CLYBL: variants seen among roughly 807,000 people sequenced by gnomAD.
CLYBL encodes citramalyl-CoA lyase.
In CLYBL, 31 loss-of-function variants were observed where a neutral mutation model predicts 38.9. The observed-to-expected ratio is 0.80, with a 90% CI of 0.60 to 1.08. The LOEUF (loss-of-function observed/expected upper bound fraction) is 1.08. Ranked by LOEUF, CLYBL falls within the 50% of genes least tolerant of loss-of-function variation. The pLI is 0.00. For synonymous variants in CLYBL, 171 were observed against 158.6 expected (o/e 1.08, Z -0.59); for missense variants, 434 against 411.6 (o/e 1.05, Z -0.47).
chr13:99,631,604 A>AT (rs1161251016), intron 1 of CLYBL, among the ~76,000 whole-genome samples: 2,166 of 146,500 alleles, frequency 0.015, 47 homozygotes, highest in African/African-American at 0.05. Context: ...TTCACACCAA[A>AT]TTTTTTTTTT....
Position 99,889,990 on chromosome 13 carries a change from A to G in CLYBL, c.928-1328A>G, listed in dbSNP as rs374200935. On this transcript the variant is annotated intron_variant, in intron 7 of 8. Coordinates refer to ENST00000339105, the MANE Select transcript of CLYBL (RefSeq NM_206808.5). Reference sequence around the variant, plus strand: ...ACCCAGTCACACCAGCATCCTTGCCAACAGGTCGAAGCAGGGTGGATTAGG... The same window carrying G: ...ACCCAGTCACACCAGCATCCTTGCCGACAGGTCGAAGCAGGGTGGATTAGG... Among the ~76,000 whole-genome samples the G allele has an allele frequency of 3.9e-5, 6 of 152,342 alleles. No homozygotes were observed. The South Asian group carries it at 8.3e-4, about 21-fold the overall frequency.
intron 1 of CLYBL, among the ~76,000 whole-genome samples, chr13:99,681,589 T>A (rs2047734704): frequency 6.6e-6 from 1 of 152,106 alleles, no homozygotes; most frequent in Admixed American, 6.6e-5. Context: ...CTTGCATTTT[T>A]ATTTTTATTT....
intron 7 of CLYBL, among the ~76,000 whole-genome samples, chr13:99,885,362 G>T (rs1310202887): frequency 1.4e-4 from 22 of 152,168 alleles, no homozygotes; most frequent in Non-Finnish European, 4.4e-5. Context: ...CGGCAGAGCT[G>T]CAGCGTGGTG....
intron 1 of CLYBL, among the ~76,000 whole-genome samples, chr13:99,722,270 T>A (rs934509134): frequency 1.7e-4 from 26 of 152,314 alleles, no homozygotes; most frequent in African/African-American, 6.0e-4. Context: ...GTTGACACTC[T>A]GACCCCTACT....
intron 1 of CLYBL, among the ~76,000 whole-genome samples, chr13:99,734,095 T>C (rs987521465): frequency 1.3e-5 from 2 of 152,138 alleles, no homozygotes; most frequent in Non-Finnish European, 2.9e-5. Flanking sequence ...CCCTTCTCTG[T>C]TAGTGGGATT....
intron 2 of CLYBL, among the ~76,000 whole-genome samples, chr13:99,857,335 G>A (rs188496360): frequency 2.0e-4 from 31 of 152,170 alleles, no homozygotes; most frequent in East Asian, 1.5e-3. Context: ...GAAGATTTTC[G>A]TATTTAATGG....
At chr13:99,660,738 T>G (rs1169891933) in intron 1 of CLYBL, among the ~76,000 whole-genome samples, 1 of 152,204 alleles carries the variant, frequency 6.6e-6, no homozygotes, top group African/African-American at 2.4e-5. Flanking sequence ...TCTATTGTAA[T>G]TTCTCATGGT....
intron 6 of CLYBL, 72 bp downstream of exon 6, chr13:99,866,479 A>C: frequency 7.4e-7 from 1 of 1,355,818 alleles, no homozygotes; most frequent in Non-Finnish European, 1.0e-6. Flanking sequence ...TTGACCCGAA[A>C]ACACCCCTAA....
At position 99,691,942 on chromosome 13, in the gene CLYBL, A is replaced by G. The variant is rs142473034; in HGVS notation, c.63-80882A>G. ...GGATCTTGAAAGCCATGTTGCACGG[A>G]GCTCCCGGTCCCTGAGTTTTCAGAC... On this transcript the variant is annotated intron_variant, in intron 1 of 8. Coordinates refer to ENST00000339105, the MANE Select transcript of CLYBL (RefSeq NM_206808.5). 2.6e-3 allele frequency among the ~76,000 whole-genome samples: 402 copies of G among 152,310 alleles called. 2 individuals are homozygous for G. The highest frequency in any genetic ancestry group is 9.3e-3 in the African/African-American group (388 of 41,578).
rs566663285 is a variant in CLYBL, at chr13:99,841,402, T to A, written c.250-17459T>A. 1.0e-3 allele frequency among the ~76,000 whole-genome samples: 152 copies of A among 152,248 alleles called. 2 individuals carry two copies. The highest frequency in any genetic ancestry group is 6.8e-3 in the Middle Eastern group (2 of 294). The stretch of plus-strand genomic sequence containing the variant: ...AGAAAAACACATACATACTTTTTTT[T>A]TTTATTTATTTATTTTTAAGACAGT... On this transcript the variant is annotated intron_variant, in intron 2 of 8. Coordinates refer to ENST00000339105, the MANE Select transcript of CLYBL (RefSeq NM_206808.5).
chr13:99,828,475 C>G (rs901979716), intron 2 of CLYBL, among the ~76,000 whole-genome samples: 2 of 152,260 alleles, frequency 1.3e-5, no homozygotes, highest in Admixed American at 6.5e-5. Context: ...TTTAAGCACT[C>G]TAAAATGGTA....
At chr13:99,837,628 T>C (rs1389741833) in intron 2 of CLYBL, among the ~76,000 whole-genome samples, 1 of 151,842 alleles carries the variant, frequency 6.6e-6, no homozygotes, top group Non-Finnish European at 1.5e-5. Flanking sequence ...GAAAATGCTC[T>C]GTGAGGATTC....
In CLYBL at chr13:99,709,516, C is replaced by CT. The variant is rs566926109; in HGVS notation, c.63-63301dup. On this transcript the variant is annotated intron_variant, in intron 1 of 8. Transcript: ENST00000339105. Reference sequence around the variant, plus strand: ...AGCTTGTATTCCTGTCCTTTTCTTTCTTTTTTTACAAAATAGCATACAAAA... The same window carrying CT: ...AGCTTGTATTCCTGTCCTTTTCTTTCTTTTTTTTACAAAATAGCATACAAAA... Among the ~76,000 whole-genome samples the CT allele has an allele frequency of 2.7e-3, 417 of 152,236 alleles. 2 individuals are homozygous for CT. The highest frequency in any genetic ancestry group is 8.5e-3 in the African/African-American group (351 of 41,532).
chr13:99,650,961 A>AG (rs1460856779), intron 1 of CLYBL, among the ~76,000 whole-genome samples: 2 of 152,148 alleles, frequency 1.3e-5, no homozygotes, highest in African/African-American at 4.8e-5. Flanking sequence ...TAAAATTCTC[A>AG]GGGTGGTGAG....
chr13:99,715,357 T>G (rs575341580), intron 1 of CLYBL, among the ~76,000 whole-genome samples: 28 of 152,276 alleles, frequency 1.8e-4, no homozygotes, highest in African/African-American at 5.8e-4. Context: ...CCTTTTGGAA[T>G]GGGACAGGTT....
chr13:99,680,319 A>G (rs1253378812), intron 1 of CLYBL, among the ~76,000 whole-genome samples: 1 of 152,192 alleles, frequency 6.6e-6, no homozygotes, highest in Non-Finnish European at 1.5e-5. Flanking sequence ...AACGTACTCC[A>G]ATTTTCCTAG....
chr13:99,850,948 A>G (rs558498811), intron 2 of CLYBL, among the ~76,000 whole-genome samples: 1 of 152,364 alleles, frequency 6.6e-6, no homozygotes, highest in Admixed American at 6.5e-5. Flanking sequence ...TATTTCACTC[A>G]TAGGAAATAT....
chr13:99,691,088 C>G (rs1291061874), intron 1 of CLYBL: 1 of 152,198 alleles, frequency 6.6e-6, no homozygotes, highest in Admixed American at 6.5e-5. Flanking sequence ...TGCTAACCCT[C>G]TCTCACTGCC....
intron 1 of CLYBL, among the ~76,000 whole-genome samples, chr13:99,714,552 G>A (rs1409863261): frequency 6.6e-6 from 1 of 152,174 alleles, no homozygotes; most frequent in Admixed American, 6.5e-5. Flanking sequence ...GGGAGGTAGA[G>A]GTTGCAGTGA....
Sources: gnomAD v4.1 joint callset for allele counts (sites outside exome capture counted in the v4.1 genomes callset) on GRCh38, gnomAD v4.1.1 for gene constraint, MANE v1.5 for transcripts, NCBI Gene and HGNC (gene_info 2026-07-23, HGNC 2026-07-21) for gene names.